The following RAPGEF6 variants were observed in gnomAD, a reference collection of about 807,000 sequenced individuals.
RAPGEF6 encodes the protein Rap guanine nucleotide exchange factor 6.
RAPGEF6 carries 56 observed loss-of-function variants against 171.4 expected under a neutral mutation model. The observed-to-expected ratio is 0.33, with a 90% CI of 0.26 to 0.41. The LOEUF is 0.41. RAPGEF6 is among the 10% of genes least tolerant of loss of function. RAPGEF6 has a pLI of 1.00. For missense variants in RAPGEF6, 1,674 were observed against 1,921.4 expected (o/e 0.87, Z 2.41); for synonymous variants, 692 against 650.1 (o/e 1.06, Z -0.98).
At chr5:131,456,443 C>G (rs772944876) in intron 19 of RAPGEF6, among the ~76,000 whole-genome samples, 8 of 152,102 alleles carry the variant, frequency 5.3e-5, no homozygotes, top group Admixed American at 2.0e-4. Context: ...CCTTAGGAAG[C>G]CTTTTTTTTC....
At chr5:131,541,856 A>G (rs1397122655) in intron 6 of RAPGEF6, among the ~76,000 whole-genome samples, 1 of 152,214 alleles carries the variant, frequency 6.6e-6, no homozygotes, top group Non-Finnish European at 1.5e-5. Flanking sequence ...GTTTTGGGCT[A>G]AACGAATGGC....
At chr5:131,557,920 T>C (rs1300105041) in intron 5 of RAPGEF6, among the ~76,000 whole-genome samples, 1 of 152,164 alleles carries the variant, frequency 6.6e-6, no homozygotes, top group Non-Finnish European at 1.5e-5. Context: ...AATGTTAAGA[T>C]TTTTACATTT....
At chr5:131,524,168 A>C (rs1460133697) in intron 6 of RAPGEF6, among the ~76,000 whole-genome samples, 1 of 152,204 alleles carries the variant, frequency 6.6e-6, no homozygotes, top group African/African-American at 2.4e-5. Context: ...TCCAGATGGA[A>C]GCTTTCAGGA....
intron 2 of RAPGEF6, among the ~76,000 whole-genome samples, chr5:131,603,623 C>T (rs997415385): frequency 1.3e-5 from 2 of 152,026 alleles, no homozygotes; most frequent in African/African-American, 4.8e-5. Context: ...AAAAAATATA[C>T]ATTTGTCTGA....
At chr5:131,508,237 G>A in intron 8 of RAPGEF6, 30 bp from the exon 9 acceptor site, 4 of 1,577,894 alleles carry the variant, frequency 2.5e-6, no homozygotes, top group Non-Finnish European at 3.4e-6. Flanking sequence ...CTGGTATAAA[G>A]ACCATCGAGG....
chr5:131,563,638 G>A (rs1216012985), intron 4 of RAPGEF6, among the ~76,000 whole-genome samples: 2 of 152,128 alleles, frequency 1.3e-5, no homozygotes, highest in East Asian at 3.8e-4. Flanking sequence ...AAGTAGCTGG[G>A]ACTACAGGCA....
At chr5:131,584,067 G>A (rs1395476735) in intron 4 of RAPGEF6, among the ~76,000 whole-genome samples, 1 of 152,140 alleles carries the variant, frequency 6.6e-6, no homozygotes, top group African/African-American at 2.4e-5. Context: ...TTTACAAAGT[G>A]GCATGAGGAA....
intron 1 of RAPGEF6, among the ~76,000 whole-genome samples, chr5:131,616,929 T>C (rs895702416): frequency 2.0e-5 from 3 of 152,164 alleles, no homozygotes; most frequent in African/African-American, 7.2e-5. Flanking sequence ...CAATAAAACA[T>C]CATTATCCAA....
At chr5:131,625,199 T>C (rs1484615986) in intron 1 of RAPGEF6, among the ~76,000 whole-genome samples, 1 of 152,040 alleles carries the variant, frequency 6.6e-6, no homozygotes, top group African/African-American at 2.4e-5. Context: ...GAGGCAGAGG[T>C]TGCGGTGAGC....
intron 1 of RAPGEF6, among the ~76,000 whole-genome samples, chr5:131,604,912 T>A (rs1206783022): frequency 6.6e-6 from 1 of 152,202 alleles, no homozygotes; most frequent in Admixed American, 6.5e-5. Flanking sequence ...ATGGCCTCTA[T>A]TCATTCAAAC....
At chr5:131,589,376 A>G (rs1236876525) in intron 4 of RAPGEF6, among the ~76,000 whole-genome samples, 1 of 152,232 alleles carries the variant, frequency 6.6e-6, no homozygotes, top group African/African-American at 2.4e-5. Flanking sequence ...CAGAATATTC[A>G]GAGGCACTAT....
At chr5:131,625,423 C>T (rs1446685686) in intron 1 of RAPGEF6, among the ~76,000 whole-genome samples, 1 of 152,128 alleles carries the variant, frequency 6.6e-6, no homozygotes, top group Admixed American at 6.5e-5. Flanking sequence ...GCCAATTCTA[C>T]CTCCTTAATA....
intron 1 of RAPGEF6, among the ~76,000 whole-genome samples, chr5:131,631,158 A>G (rs1457320102): frequency 6.6e-6 from 1 of 152,162 alleles, no homozygotes; most frequent in Non-Finnish European, 1.5e-5. Flanking sequence ...CAGTCTCATG[A>G]CTTTCAATAT....
At chr5:131,491,552 A>C (rs1227120387) in intron 14 of RAPGEF6, among the ~76,000 whole-genome samples, 1 of 152,218 alleles carries the variant, frequency 6.6e-6, no homozygotes, top group Non-Finnish European at 1.5e-5. Flanking sequence ...ACCAGGACAC[A>C]GACCCATGGC....
At chr5:131,563,734 G>T (rs1485699914) in intron 4 of RAPGEF6, among the ~76,000 whole-genome samples, 2 of 151,992 alleles carry the variant, frequency 1.3e-5, no homozygotes, top group Non-Finnish European at 2.9e-5. Flanking sequence ...TGAACTCCTG[G>T]GCTCAAGCAA....
At position 131,510,326 on chromosome 5, in the gene RAPGEF6, C is replaced by T; in HGVS notation, c.793G>A (p.Asp265Asn). 1.9e-6 allele frequency: 3 copies of T among 1,612,690 alleles called. No homozygotes were observed. The highest frequency in any genetic ancestry group is 2.5e-6 in the Non-Finnish European group (3 of 1,179,612). ...ATATATTTCTTACCAATGTCATCAT[C>T]AGTTTTGTCTGCAGGTTCTTTTTCA... is the stretch of plus-strand genomic sequence containing the variant. ...CLEKEPADKT[D>N]DDIEQLLEFM... Residue 265 changes from aspartate (D) to asparagine (N), a missense_variant, in exon 8 of 28, where the codon GAT (aspartate) becomes AAT (asparagine). Physicochemically the swap from Asp to Asn is conservative, Grantham distance 23. Around this residue, in one of 3 missense-constraint regions of RAPGEF6, gnomAD observed 1,116 missense variants for 1,321.5 expected, o/e 0.84. Coordinates refer to ENST00000509018, the MANE Select transcript of RAPGEF6 (RefSeq NM_016340.6).
At chr5:131,496,906 T>A (rs1170012708) in intron 12 of RAPGEF6, among the ~76,000 whole-genome samples, 1 of 152,166 alleles carries the variant, frequency 6.6e-6, no homozygotes, top group Non-Finnish European at 1.5e-5. Flanking sequence ...TATGTTTAAC[T>A]TTTTGAAGAA....
intron 1 of RAPGEF6, among the ~76,000 whole-genome samples, chr5:131,612,298 A>G (rs1309124743): frequency 6.8e-6 from 1 of 147,472 alleles, no homozygotes; most frequent in Non-Finnish European, 1.5e-5. Context: ...TTTTCTGTAC[A>G]GTATTCAATA....
chr5:131,458,611 A>T (rs1017883181), intron 19 of RAPGEF6, among the ~76,000 whole-genome samples: 5 of 152,232 alleles, frequency 3.3e-5, no homozygotes, highest in African/African-American at 1.2e-4. Flanking sequence ...CCACTAAAGT[A>T]ATCTAGGTAT....
Sources: allele counts gnomAD v4.1 joint callset (sites outside exome capture counted in the v4.1 genomes callset), GRCh38; gene constraint gnomAD v4.1.1; regional missense constraint gnomAD v4.1.1; transcripts MANE v1.5; gene names NCBI Gene and HGNC (gene_info 2026-07-23, HGNC 2026-07-21).